Variants in HCN1 observed in about 807,000 individuals in gnomAD.
The protein encoded by HCN1 is hyperpolarization activated cyclic nucleotide gated potassium channel 1.
Under a neutral mutation model 78.9 loss-of-function variants are expected in HCN1, and 13 were observed. The ratio of observed to expected loss-of-function variants is 0.16; its 90% CI spans 0.11 to 0.26. The LOEUF (loss-of-function observed/expected upper bound fraction) is 0.26, where lower values mean the gene tolerates loss of function less well. HCN1 is among the 10% of genes least tolerant of loss of function. The pLI is 1.00. For synonymous variants in HCN1, 552 were observed against 455.5 expected, an observed-to-expected ratio of 1.21 and a Z score of -2.70; for missense variants, 810 against 1,154.3, an observed-to-expected ratio of 0.70 and a Z score of 4.32.
At chr5:45,308,260 C>A (rs776420517) in intron 5 of HCN1, among the ~76,000 whole-genome samples, 1 of 152,026 alleles carries the variant, frequency 6.6e-6, no homozygotes, top group Non-Finnish European at 1.5e-5. Flanking sequence ...GCATCTTGTA[C>A]AGGCTGCTGA....
At chr5:45,659,706 A>G (rs1482382612) in intron 1 of HCN1, among the ~76,000 whole-genome samples, 2 of 123,376 alleles carry the variant, frequency 1.6e-5, no homozygotes, top group Non-Finnish European at 3.3e-5. Flanking sequence ...GGGTATCAGC[A>G]ATGGAAGATG....
intron 2 of HCN1, among the ~76,000 whole-genome samples, chr5:45,600,102 T>C (rs1361906454): frequency 1.3e-5 from 2 of 152,082 alleles, no homozygotes; most frequent in Non-Finnish European, 2.9e-5. Context: ...CATTTTTTCC[T>C]GACTTGCTCT....
chr5:45,389,665 C>G (rs1463328948), intron 4 of HCN1, among the ~76,000 whole-genome samples: 1 of 152,104 alleles, frequency 6.6e-6, no homozygotes. Context: ...TAACTGAAGA[C>G]TATTTGGATC....
chr5:45,446,458 ACT>A (rs775046562), intron 3 of HCN1, among the ~76,000 whole-genome samples: 43 of 152,142 alleles, frequency 2.8e-4, no homozygotes, highest in Non-Finnish European at 5.0e-4. Context: ...GTTGGAAAAC[ACT>A]CTGCAGGATA....
rs72161613 is a variant in HCN1, at chr5:45,625,301, T to TCAAAA, written c.849+19879_849+19883dup. On this transcript the variant is annotated intron_variant, in intron 2 of 7. Coordinates refer to ENST00000303230, the MANE Select transcript of HCN1 (RefSeq NM_021072.4). ...CTGGGTGACAGAGCAAGACTCTGTC[T>TCAAAA]CAAAACAAAACAAAACAAAACAAAA... Among the ~76,000 whole-genome samples, 780 of 151,614 alleles carry TCAAAA rather than the reference T, an allele frequency of 5.1e-3. 7 individuals are homozygous for TCAAAA. The highest frequency in any genetic ancestry group is 0.016 in the African/African-American group (674 of 41,358).
chr5:45,281,015 G>T (rs572105256), intron 6 of HCN1, among the ~76,000 whole-genome samples: 60 of 144,814 alleles, frequency 4.1e-4, no homozygotes, highest in African/African-American at 1.6e-3. Flanking sequence ...AGATTCAGAG[G>T]CAAAAAAAAA....
intron 5 of HCN1, among the ~76,000 whole-genome samples, chr5:45,318,315 C>CA (rs1370559011): frequency 3.3e-5 from 5 of 151,568 alleles, no homozygotes; most frequent in African/African-American, 1.2e-4. Context: ...ATCGCAAGGA[C>CA]AAAAAAACAA....
intron 2 of HCN1, among the ~76,000 whole-genome samples, chr5:45,501,445 G>A (rs1333545936): frequency 6.6e-6 from 1 of 150,916 alleles, no homozygotes; most frequent in Non-Finnish European, 1.5e-5. Context: ...TGTTTGTTTT[G>A]TTTTTTGAGA....
At chr5:45,351,807 C>G in intron 5 of HCN1, among the ~76,000 whole-genome samples, 1 of 151,428 alleles carries the variant, frequency 6.6e-6, no homozygotes, top group African/African-American at 2.4e-5. Context: ...CAGAGAAATG[C>G]AAATCAAAAC....
chr5:45,381,362 C>G (rs1747803910), intron 4 of HCN1, among the ~76,000 whole-genome samples: 1 of 151,986 alleles, frequency 6.6e-6, no homozygotes, highest in Non-Finnish European at 1.5e-5. Flanking sequence ...TACATCAGGG[C>G]CAAGTGAATT....
chr5:45,665,237 G>C (rs1263977552), intron 1 of HCN1, among the ~76,000 whole-genome samples: 2 of 145,350 alleles, frequency 1.4e-5, no homozygotes, highest in Non-Finnish European at 3.0e-5. Flanking sequence ...TCATAGGTGG[G>C]AATTGAACAA....
At chr5:45,293,277 A>G (rs181942507) in intron 6 of HCN1, among the ~76,000 whole-genome samples, 1 of 152,116 alleles carries the variant, frequency 6.6e-6, no homozygotes, top group East Asian at 1.9e-4. Context: ...TTGATATTTT[A>G]ATAATAGCCA....
intron 2 of HCN1, among the ~76,000 whole-genome samples, chr5:45,478,456 C>T (rs1213926344): frequency 6.6e-6 from 1 of 152,132 alleles, no homozygotes; most frequent in Admixed American, 6.6e-5. Flanking sequence ...GATGGCTTGT[C>T]CGAAGAGGAA....
At chr5:45,492,523 T>TTG (rs1741908871) in intron 2 of HCN1, among the ~76,000 whole-genome samples, 1 of 142,896 alleles carries the variant, frequency 7.0e-6, no homozygotes, top group East Asian at 2.0e-4. Context: ...TTTTTTGTTT[T>TTG]TTTTTTTTTT....
intron 2 of HCN1, among the ~76,000 whole-genome samples, chr5:45,525,169 C>A (rs1255565670): frequency 6.6e-6 from 1 of 151,988 alleles, no homozygotes; most frequent in African/African-American, 2.4e-5. Context: ...TATTGATTTG[C>A]GTACATTGAA....
chr5:45,582,915 A>G (rs1465068277), intron 2 of HCN1, among the ~76,000 whole-genome samples: 6 of 152,010 alleles, frequency 3.9e-5, no homozygotes, highest in Non-Finnish European at 8.8e-5. Context: ...TGTTGGATTC[A>G]GTTTGCCAGT....
chr5:45,696,025 G>A lies in HCN1; in HGVS notation c.69C>T (p.Ala23=), dbSNP rs1060503835. 10 of 1,322,108 alleles carry A rather than the reference G, an allele frequency of 7.6e-6. No individual in the cohort carries two copies. Among genetic ancestry groups the A allele is most frequent in the Non-Finnish European group, 9.7e-6 (10 of 1,026,712 alleles). The allele number at this position is 1,322,108 out of a possible 1,614,324, so 81.9% of individuals were successfully genotyped here. A position where few individuals can be genotyped will look rare whatever the true frequency, so the allele number is the denominator to read the frequency against. ...GCCCCGCGCCCGTCGCGGACGCCTTGGCGGGGAAGACGCTGTTGCCATCGT... is the reference window on the plus strand; with the variant it reads ...GCCCCGCGCCCGTCGCGGACGCCTTAGCGGGGAAGACGCTGTTGCCATCGT... ...SRDDGNSVFP[A]KASATGAGPA... is the part of the protein sequence containing the mutation. Residue 23 remains alanine (A), a synonymous_variant, in exon 1 of 8, where the codon GCC becomes GCT. Coordinates refer to ENST00000303230, the MANE Select transcript of HCN1 (RefSeq NM_021072.4).
chr5:45,573,471 C>A (rs111889329), intron 2 of HCN1, among the ~76,000 whole-genome samples: 1,785 of 124,028 alleles, frequency 0.014, 35 homozygotes, highest in African/African-American at 0.059. Flanking sequence ...AATAACCTCC[C>A]CCCACCCCGA....
intron 4 of HCN1, among the ~76,000 whole-genome samples, chr5:45,393,796 G>A (rs1247435536): frequency 6.6e-6 from 1 of 152,156 alleles, no homozygotes; most frequent in African/African-American, 2.4e-5. Context: ...GACTGAATCT[G>A]TCCTATGCTC....
Sources: allele counts gnomAD v4.1 joint callset (sites outside exome capture counted in the v4.1 genomes callset), GRCh38; gene constraint gnomAD v4.1.1; transcripts MANE v1.5; gene names NCBI Gene and HGNC (gene_info 2026-07-23, HGNC 2026-07-21).